The following SPECC1L variants were observed in gnomAD, a reference collection of about 807,000 sequenced individuals.
The protein encoded by SPECC1L is sperm antigen with calponin homology and coiled-coil domains 1 like, also known as cytospin-A.
SPECC1L carries 40 observed loss-of-function variants against 116.8 expected under a neutral mutation model. That is an observed-to-expected ratio of 0.34 (90% CI 0.27 to 0.45). The LOEUF is 0.45. Ranked by LOEUF, SPECC1L falls within the 20% of genes least tolerant of loss-of-function variation. SPECC1L has a pLI of 1.00. For synonymous variants in SPECC1L, 504 were observed against 500.6 expected (o/e 1.01, Z -0.09); for missense variants, 1,110 against 1,373.6 (o/e 0.81, Z 3.03).
intron 14 of SPECC1L, among the ~76,000 whole-genome samples, chr22:24,370,957 G>A (rs1302989694): frequency 6.6e-6 from 1 of 152,074 alleles, no homozygotes; most frequent in African/African-American, 2.4e-5. Flanking sequence ...ACACAGTTTA[G>A]TTTTACAAAA....
At chr22:24,309,340 G>A (rs1282234464) in intron 3 of SPECC1L, among the ~76,000 whole-genome samples, 2 of 152,088 alleles carry the variant, frequency 1.3e-5, no homozygotes, top group Non-Finnish European at 2.9e-5. Flanking sequence ...CTCCACCCTA[G>A]AATGTATAGA....
At chr22:24,386,798 G>C (rs1238426917) in intron 14 of SPECC1L, among the ~76,000 whole-genome samples, 1 of 152,016 alleles carries the variant, frequency 6.6e-6, no homozygotes, top group Non-Finnish European at 1.5e-5. Context: ...GTAGAGACTG[G>C]GTTTACTGTG....
chr22:24,292,248 A>G (rs1387683928), intron 2 of SPECC1L, among the ~76,000 whole-genome samples: 1 of 152,114 alleles, frequency 6.6e-6, no homozygotes, highest in Non-Finnish European at 1.5e-5. Context: ...TAAATTTACA[A>G]TGTCCTTTTG....
At chr22:24,350,376 T>A (rs767309234) in intron 11 of SPECC1L, among the ~76,000 whole-genome samples, 1 of 152,198 alleles carries the variant, frequency 6.6e-6, no homozygotes, top group Non-Finnish European at 1.5e-5. Flanking sequence ...CCTCAGCACC[T>A]GTAGAAGTAC....
chr22:24,283,595 A>G (rs2048987565), intron 2 of SPECC1L, among the ~76,000 whole-genome samples: 1 of 152,188 alleles, frequency 6.6e-6, no homozygotes, highest in Non-Finnish European at 1.5e-5. Flanking sequence ...TGCTGGCTTC[A>G]TAGAATGAGT....
chr22:24,296,693 G>A (rs1200864927), intron 2 of SPECC1L, among the ~76,000 whole-genome samples: 1 of 152,390 alleles, frequency 6.6e-6, no homozygotes, highest in Admixed American at 6.5e-5. Context: ...AGGGGCTCTA[G>A]GGAGGAGTGT....
At chr22:24,274,316 A>G (rs762632957) in intron 1 of SPECC1L, among the ~76,000 whole-genome samples, 1 of 152,254 alleles carries the variant, frequency 6.6e-6, no homozygotes, top group Admixed American at 6.5e-5. Flanking sequence ...TGAACATAAC[A>G]GATGATCCCT....
At chr22:24,401,707 T>C (rs1490240577) in intron 14 of SPECC1L, among the ~76,000 whole-genome samples, 1 of 152,234 alleles carries the variant, frequency 6.6e-6, no homozygotes, top group Non-Finnish European at 1.5e-5. Context: ...ATTTTAGATG[T>C]ACCACCCCAT....
rs1370333883 is a variant in SPECC1L at position 24,322,892 on chromosome 22, A to G, written c.1912A>G (p.Asn638Asp). 1 of 1,613,950 alleles carries G rather than the reference A, an allele frequency of 6.2e-7. No homozygotes were observed. The highest frequency in any genetic ancestry group is 1.1e-5 in the South Asian group (1 of 91,068). Residue 638 changes from asparagine (N) to aspartate (D), a missense_variant, in exon 5 of 17, where the codon AAT becomes GAT. Physicochemically the swap from Asn to Asp is conservative, Grantham distance 23. This residue lies in a region of SPECC1L where 575 missense variants were observed against 682.4 expected (regional missense o/e 0.84). Transcript: ENST00000314328. ...TCTGGCTCATACCCGAAATGATGCCAATCGATTACAGGATGCCATTGCTAA... is the reference window on the plus strand; with the variant it reads ...TCTGGCTCATACCCGAAATGATGCCGATCGATTACAGGATGCCATTGCTAA... ...EDLAHTRNDA[N>D]RLQDAIAKVE... is the part of the protein sequence containing the mutation.
Position 24,369,224 on chromosome 22 carries a change from A to C in SPECC1L, c.2991A>C (p.Glu997Asp), listed in dbSNP as rs576606037. The change falls in exon 14 of 17, where the codon GAA becomes GAC. Residue 997 changes from glutamate (E) to aspartate (D), a missense_variant. Physicochemically the swap from Glu to Asp is conservative, Grantham distance 45. Transcript: ENST00000314328. ...TPTTRSRIRE[E>D]RKDPLSALAR... Reference sequence around the variant, plus strand: ...TTGGGTTACTTGTTTTCAGAGAAGAAAGGAAAGACCCTCTCTCAGCATTGG... The same window carrying C: ...TTGGGTTACTTGTTTTCAGAGAAGACAGGAAAGACCCTCTCTCAGCATTGG... The C allele has an allele frequency of 6.2e-7, 1 of 1,612,210 alleles. No homozygotes were observed. Among genetic ancestry groups the C allele is most frequent in the Non-Finnish European group, 8.5e-7 (1 of 1,178,192 alleles).
At chr22:24,390,484 T>C (rs938861388) in intron 14 of SPECC1L, among the ~76,000 whole-genome samples, 1 of 152,238 alleles carries the variant, frequency 6.6e-6, no homozygotes, top group Non-Finnish European at 1.5e-5. Context: ...AGAGTTTTGA[T>C]CTGAATCAAA....
chr22:24,289,414 GAGA>G (rs1325500700), intron 2 of SPECC1L, among the ~76,000 whole-genome samples: 1 of 152,174 alleles, frequency 6.6e-6, no homozygotes. Flanking sequence ...ATTAAAGTGA[GAGA>G]AGATCTCCAG....
chr22:24,337,100 A>T (rs1476467357), intron 9 of SPECC1L, among the ~76,000 whole-genome samples: 1 of 152,218 alleles, frequency 6.6e-6, no homozygotes, highest in African/African-American at 2.4e-5. Flanking sequence ...ACATAACTCC[A>T]TCATAAATCA....
At chr22:24,341,070 A>G (rs981032538) in intron 10 of SPECC1L, among the ~76,000 whole-genome samples, 4 of 152,172 alleles carry the variant, frequency 2.6e-5, no homozygotes, top group Admixed American at 2.0e-4. Context: ...GTGGTGGTGC[A>G]GGGAAGATGA....
intron 2 of SPECC1L, among the ~76,000 whole-genome samples, chr22:24,277,733 T>A (rs2048863408): frequency 6.6e-6 from 1 of 152,258 alleles, no homozygotes; most frequent in Non-Finnish European, 1.5e-5. Flanking sequence ...CTGAATGATA[T>A]ACTTTATTTG....
At chr22:24,363,173 AAGG>A (rs763275498) in intron 11 of SPECC1L, 85 bp from the exon 12 acceptor site, 2 of 1,156,790 alleles carry the variant, frequency 1.7e-6, no homozygotes, top group Non-Finnish European at 2.6e-6. Context: ...TCAAGGCTGA[AAGG>A]AGTAAAACTC....
At chr22:24,398,917 G>A (rs1484359976) in intron 14 of SPECC1L, among the ~76,000 whole-genome samples, 1 of 152,180 alleles carries the variant, frequency 6.6e-6, no homozygotes, top group Non-Finnish European at 1.5e-5. Flanking sequence ...GGATTTCCAC[G>A]AGGGTCTTTT....
At chr22:24,385,568 A>G (rs2042145808) in intron 14 of SPECC1L, among the ~76,000 whole-genome samples, 1 of 152,236 alleles carries the variant, frequency 6.6e-6, no homozygotes, top group African/African-American at 2.4e-5. Flanking sequence ...TCAAAGCATC[A>G]TTTCTCAGTA....
At chr22:24,346,727 A>G (rs2041303766) in intron 10 of SPECC1L, among the ~76,000 whole-genome samples, 1 of 152,164 alleles carries the variant, frequency 6.6e-6, no homozygotes, top group African/African-American at 2.4e-5. Flanking sequence ...TAACATATAA[A>G]TGACTATATA....
Sources: allele counts gnomAD v4.1 joint callset (sites outside exome capture counted in the v4.1 genomes callset), GRCh38; gene constraint gnomAD v4.1.1; regional missense constraint gnomAD v4.1.1; transcripts MANE v1.5; gene names NCBI Gene and HGNC (gene_info 2026-07-23, HGNC 2026-07-21).